ZSCAN2: variants seen among roughly 807,000 people sequenced by gnomAD.
ZSCAN2 encodes zinc finger and SCAN domain-containing protein 2.
Under a neutral mutation model 47.8 loss-of-function variants are expected in ZSCAN2, and 26 were observed. The ratio of observed to expected loss-of-function variants is 0.54; its 90% confidence interval spans 0.40 to 0.75. The LOEUF (loss-of-function observed/expected upper bound fraction) is 0.75, where lower values mean the gene tolerates loss of function less well. Ranked by LOEUF, ZSCAN2 falls within the 30% of genes least tolerant of loss-of-function variation. The probability of loss-of-function intolerance (pLI) is 0.00; values close to 1 mark genes in which losing one functional copy is unlikely to be tolerated. For missense variants in ZSCAN2, 732 were observed against 785.4 expected, an observed-to-expected ratio of 0.93 and a Z score of 0.81; for synonymous variants, 305 against 288.7, an observed-to-expected ratio of 1.06 and a Z score of -0.57.
chr15:84,610,624 C>A (rs1895520061), intron 2 of ZSCAN2, among the ~76,000 whole-genome samples: 1 of 151,764 alleles, frequency 6.6e-6, no homozygotes, highest in Non-Finnish European at 1.5e-5. Context: ...GTAGGTGGGA[C>A]TACAGGCACC....
At chr15:84,601,728 T>G (rs1031027401) in intron 1 of ZSCAN2, among the ~76,000 whole-genome samples, 1 of 152,142 alleles carries the variant, frequency 6.6e-6, no homozygotes, top group Non-Finnish European at 1.5e-5. Context: ...TTTATTTTTG[T>G]AGAGACTGGG....
At chr15:84,615,948 A>G (rs1432758273) in intron 2 of ZSCAN2, among the ~76,000 whole-genome samples, 4 of 152,140 alleles carry the variant, frequency 2.6e-5, no homozygotes, top group African/African-American at 7.2e-5. Context: ...TCTCAGTAAT[A>G]GTAATTCCTT....
intron 2 of ZSCAN2, among the ~76,000 whole-genome samples, chr15:84,613,092 A>G (rs1895599295): frequency 6.6e-6 from 1 of 152,110 alleles, no homozygotes; most frequent in South Asian, 2.1e-4. Flanking sequence ...AGCATCATTT[A>G]TTGTATGTTG....
intron 2 of ZSCAN2, chr15:84,606,816 TC>T: frequency 1.6e-6 from 2 of 1,273,258 alleles, no homozygotes; most frequent in Non-Finnish European, 2.0e-6. Context: ...GGTTTGTCTG[TC>T]CCTGACTTCT....
chr15:84,617,090 C>A (rs1437614537), intron 2 of ZSCAN2, among the ~76,000 whole-genome samples: 1 of 150,772 alleles, frequency 6.6e-6, no homozygotes, highest in African/African-American at 2.5e-5. Context: ...CCACTGCACT[C>A]CAGCCTGGGC....
chr15:84,619,895 A>C (rs1596037570), intron 2 of ZSCAN2, among the ~76,000 whole-genome samples: 1 of 151,158 alleles, frequency 6.6e-6, no homozygotes, highest in East Asian at 1.9e-4. Flanking sequence ...ATGAGGCCTG[A>C]CAACCAGTCA....
rs888279374 is a variant in ZSCAN2 at position 84,604,431 on chromosome 15, G to A, written c.406+98G>A. The A allele has an allele frequency of 3.5e-6, 5 of 1,449,000 alleles. No individual in the cohort carries two copies. The Admixed American group carries it at 6.7e-5, about 19-fold the overall frequency. The allele number at this position is 1,449,000 out of a possible 1,614,324, so 89.8% of individuals were successfully genotyped here. ...AGGAGAAGGTGGTGTCCAAGGCAGA[G>A]TGGGGGGCTAGCGCCATCCCTCTGC... On this transcript the variant is annotated intron_variant, in intron 2 of 2. Transcript: ENST00000546148.
At chr15:84,610,799 T>C (rs1895526330) in intron 2 of ZSCAN2, among the ~76,000 whole-genome samples, 1 of 151,930 alleles carries the variant, frequency 6.6e-6, no homozygotes, top group Admixed American at 6.6e-5. Flanking sequence ...AACAGAAGTG[T>C]TTCATATAAA....
chr15:84,621,187 A>C lies in ZSCAN2; in HGVS notation c.992A>C (p.Glu331Ala). ...LIAHQRTHTG[E>A]KPYSCPECGK... is the part of the protein sequence containing the mutation. ...GCACATCAGCGCACCCACACAGGAG[A>C]GAAACCCTACTCGTGCCCCGAGTGT... Residue 331 changes from glutamate to alanine, a missense_variant, in exon 3 of 3, where the codon GAG becomes GCG. By Grantham distance (107) the Glu-to-Ala change is moderately radical. Transcript: ENST00000546148. The surrounding 1 kb of genome is among the most constrained non-coding windows in gnomAD (Gnocchi z 5.7). 6.2e-7 allele frequency: 1 copy of C among 1,614,178 alleles called. No homozygotes were observed. Among genetic ancestry groups the C allele is most frequent in the Non-Finnish European group, 8.5e-7 (1 of 1,180,046 alleles).
At position 84,623,559 on chromosome 15, in the gene ZSCAN2, C is replaced by A. The variant is rs1369453329; in HGVS notation, c.*1519C>A. On this transcript the variant is annotated 3_prime_UTR_variant, in exon 3 of 3. Transcript: ENST00000546148. Reference sequence around the variant, plus strand: ...ACCTGGAGAGTGAAGACGGGCATGACGGCAGGTGAAGGGGTTTGCTGTGAA... The same window carrying A: ...ACCTGGAGAGTGAAGACGGGCATGAAGGCAGGTGAAGGGGTTTGCTGTGAA... 1 of 167,358 alleles carries A rather than the reference C, an allele frequency of 6.0e-6. No homozygotes were observed. Among genetic ancestry groups the A allele is most frequent in the Non-Finnish European group, 1.5e-5 (1 of 68,392 alleles). 10.4% of individuals were successfully genotyped at this position (167,358 alleles called of 1,614,324 possible). A position where few individuals can be genotyped will look rare whatever the true frequency, so the allele number is the denominator to read the frequency against.
intron 1 of ZSCAN2, among the ~76,000 whole-genome samples, chr15:84,601,509 C>A (rs1244886396): frequency 6.6e-6 from 1 of 152,210 alleles, no homozygotes; most frequent in Non-Finnish European, 1.5e-5. Flanking sequence ...TTTTCCCAGG[C>A]TCCCAAGTAG....
At chr15:84,613,469 C>T (rs931544986) in intron 2 of ZSCAN2, among the ~76,000 whole-genome samples, 3 of 151,124 alleles carry the variant, frequency 2.0e-5, no homozygotes, top group Admixed American at 6.6e-5. Flanking sequence ...TACAGGCGCC[C>T]GCCACCACAC....
chr15:84,613,981 CTTTTTTTTTTT>C lies in ZSCAN2; in HGVS notation c.407-6606_407-6596del, dbSNP rs35815000. On this transcript the variant is annotated intron_variant, in intron 2 of 2. Coordinates refer to ENST00000546148, the MANE Select transcript of ZSCAN2 (RefSeq NM_181877.4). ...AGGTGTGAGCCACTGCTCTTGGCCT[CTTTTTTTTTTT>C]TTTTTTTTTTTTTTCAGAGACAGAG... Among the ~76,000 whole-genome samples, 6 of 52,340 alleles carry C rather than the reference CTTTTTTTTTTT, an allele frequency of 1.1e-4. 1 individual carries two copies. The East Asian group carries it at 4.5e-3, about 39-fold the overall frequency. 34.3% of individuals were successfully genotyped at this position (52,340 alleles called of 152,430 possible). A position where few individuals can be genotyped will look rare whatever the true frequency, so the allele number is the denominator to read the frequency against.
intron 2 of ZSCAN2, among the ~76,000 whole-genome samples, chr15:84,613,182 C>T (rs1275125533): frequency 2.0e-5 from 3 of 152,046 alleles, no homozygotes; most frequent in Non-Finnish European, 2.9e-5. Context: ...TATCTTTTCT[C>T]TTCTCTTGGC....
chr15:84,614,014 A>G lies in ZSCAN2; in HGVS notation c.407-6588A>G, dbSNP rs144392632. 9.5e-3 allele frequency among the ~76,000 whole-genome samples: 1,120 copies of G among 117,670 alleles called. 20 individuals carry two copies. Among genetic ancestry groups the G allele is most frequent in the African/African-American group, 0.036 (1,086 of 30,020 alleles). 77.2% of individuals were successfully genotyped at this position (117,670 alleles called of 152,430 possible). On this transcript the variant is annotated intron_variant, in intron 2 of 2. Transcript: ENST00000546148. The stretch of plus-strand genomic sequence containing the variant: ...TTTTTTTTTTTTTTTTTTCAGAGAC[A>G]GAGTCTCACTCTGTCACCCAGGCTG...
chr15:84,621,454 G>A lies in ZSCAN2; in HGVS notation c.1259G>A (p.Cys420Tyr). The A allele has an allele frequency of 6.2e-7, 1 of 1,614,164 alleles. No homozygotes were observed. The highest frequency in any genetic ancestry group is 8.5e-7 in the Non-Finnish European group (1 of 1,180,034). ...CACACAGGAGAGAAACCCTACCAGT[G>A]CAGCGAGTGTGGGAAAAGCTTCAGC... ...RTHTGEKPYQCSECGKSFSRS... is the reference protein window; with the variant it reads ...RTHTGEKPYQYSECGKSFSRS... The change falls in exon 3 of 3, where the codon TGC becomes TAC. Residue 420 changes from cysteine (C) to tyrosine (Y), a missense_variant. By Grantham distance (194) the Cys-to-Tyr change is radical (BLOSUM62 -2). Around this residue, in one of 2 missense-constraint regions of ZSCAN2, gnomAD observed 412 missense variants for 498.0 expected, o/e 0.83. Transcript: ENST00000546148. The surrounding 1 kb of genome is among the most constrained non-coding windows in gnomAD (Gnocchi z 5.7).
chr15:84,606,705 A>G, intron 2 of ZSCAN2: 3 of 1,473,448 alleles, frequency 2.0e-6, no homozygotes, highest in Non-Finnish European at 2.7e-6. Flanking sequence ...GTCAGAGGTG[A>G]TTACAGCCCT....
intron 2 of ZSCAN2, among the ~76,000 whole-genome samples, chr15:84,612,534 A>G (rs975568320): frequency 6.6e-6 from 1 of 152,180 alleles, no homozygotes; most frequent in African/African-American, 2.4e-5. Flanking sequence ...GGAGATCGAG[A>G]CTATCCTGGC....
Position 84,621,927 on chromosome 15 carries a change from C to A in ZSCAN2, c.1732C>A (p.Arg578=). ...SWNSVLIIHQ[R]IHTGEKPYKC... The stretch of plus-strand genomic sequence containing the variant: ...GAACTCAGTCCTCATTATACATCAG[C>A]GAATCCACACTGGGGAGAAGCCCTA... Residue 578 remains arginine, a synonymous_variant, in exon 3 of 3, where the codon CGA becomes AGA. Coordinates refer to ENST00000546148, the MANE Select transcript of ZSCAN2 (RefSeq NM_181877.4). The surrounding 1 kb of genome is among the most constrained non-coding windows in gnomAD (Gnocchi z 5.7). 1.9e-6 allele frequency: 3 copies of A among 1,613,834 alleles called. No homozygotes were observed. Among genetic ancestry groups the A allele is most frequent in the Non-Finnish European group, 2.5e-6 (3 of 1,179,912 alleles).
Sources: gnomAD v4.1 joint callset for allele counts (sites outside exome capture counted in the v4.1 genomes callset) on GRCh38, gnomAD v4.1.1 for gene constraint, gnomAD v4.1.1 regional missense constraint, Gnocchi (gnomAD v3.1) non-coding constraint, MANE v1.5 for transcripts, NCBI Gene and HGNC (gene_info 2026-07-23, HGNC 2026-07-21) for gene names.